The following HTR4 variants were observed in gnomAD, a reference collection of about 807,000 sequenced individuals.
HTR4 encodes the protein 5-hydroxytryptamine receptor 4.
HTR4 carries 16 observed loss-of-function variants against 36.8 expected under a neutral mutation model. The observed-to-expected ratio is 0.43, with a 90% CI of 0.29 to 0.66. The LOEUF (loss-of-function observed/expected upper bound fraction) is 0.66, where lower values mean the gene tolerates loss of function less well. Ranked by LOEUF, HTR4 falls within the 30% of genes least tolerant of loss-of-function variation. The probability of loss-of-function intolerance (pLI) is 0.13; values close to 1 mark genes in which losing one functional copy is unlikely to be tolerated. For synonymous variants in HTR4, 189 were observed against 185.1 expected, an observed-to-expected ratio of 1.02 and a Z score of -0.17; for missense variants, 438 against 490.9, an observed-to-expected ratio of 0.89 and a Z score of 1.02.
intron 2 of HTR4, among the ~76,000 whole-genome samples, chr5:148,625,886 CTT>C (rs564951602): frequency 9.1e-5 from 13 of 142,232 alleles, no homozygotes; most frequent in South Asian, 2.3e-4. Context: ...GCTGCAAAGC[CTT>C]TTTTTTTTTT....
intron 1 of HTR4, among the ~76,000 whole-genome samples, chr5:148,650,536 C>T (rs1561668553): frequency 6.6e-6 from 1 of 151,942 alleles, no homozygotes; most frequent in African/African-American, 2.4e-5. Context: ...ATGGAGGAAT[C>T]AAAGGGCAAA....
intron 2 of HTR4, among the ~76,000 whole-genome samples, chr5:148,634,804 T>C (rs1027778899): frequency 3.3e-5 from 5 of 152,218 alleles, no homozygotes; most frequent in South Asian, 2.1e-4. Context: ...TTTTCTTCTA[T>C]CTTCAGAGCA....
rs142101904 is a variant in HTR4 at position 148,603,670 on chromosome 5, A to G, written c.26+33319T>C. ...AGTGTTAGCATTAATAAACTAATTT[A>G]GAAAATATACTAGATACAAGGTTAA... On this transcript the variant is annotated intron_variant, in intron 2 of 6. Coordinates refer to ENST00000377888, the MANE Select transcript of HTR4 (RefSeq NM_000870.7). Among the ~76,000 whole-genome samples, 395 of 152,252 alleles carry G rather than the reference A, an allele frequency of 2.6e-3. 3 individuals are homozygous for G. The highest frequency in any genetic ancestry group is 7.9e-3 in the African/African-American group (328 of 41,582).
intron 2 of HTR4, among the ~76,000 whole-genome samples, chr5:148,621,795 T>A (rs1752927974): frequency 1.3e-5 from 2 of 152,172 alleles, no homozygotes; most frequent in Admixed American, 1.3e-4. Flanking sequence ...TCCTTTTCAT[T>A]TATCCTTTTC....
intron 5 of HTR4, among the ~76,000 whole-genome samples, chr5:148,514,137 A>G (rs1757624053): frequency 6.6e-6 from 1 of 152,046 alleles, no homozygotes; most frequent in Non-Finnish European, 1.5e-5. Context: ...CCTCCCATCT[A>G]ATTTTGAATA....
At chr5:148,545,250 A>T (rs1266176344) in intron 4 of HTR4, among the ~76,000 whole-genome samples, 1 of 152,234 alleles carries the variant, frequency 6.6e-6, no homozygotes, top group Non-Finnish European at 1.5e-5. Context: ...TACTTATGGT[A>T]TTGGAGTTTT....
intron 5 of HTR4, among the ~76,000 whole-genome samples, chr5:148,470,803 C>T (rs539660973): frequency 1.6e-4 from 25 of 152,288 alleles, no homozygotes; most frequent in Non-Finnish European, 3.1e-4. Context: ...ATTTTCCTGC[C>T]TCAGCCTCCC....
intron 4 of HTR4, among the ~76,000 whole-genome samples, chr5:148,523,549 A>G (rs1758125996): frequency 6.6e-6 from 1 of 152,108 alleles, no homozygotes; most frequent in African/African-American, 2.4e-5. Flanking sequence ...TAAAAAGAGG[A>G]GAGCAAGTGG....
At chr5:148,532,469 C>T (rs566297604) in intron 4 of HTR4, among the ~76,000 whole-genome samples, 10 of 152,222 alleles carry the variant, frequency 6.6e-5, no homozygotes, top group African/African-American at 2.2e-4. Flanking sequence ...ACAATAAATT[C>T]CATTAAAATA....
At chr5:148,617,478 G>GT (rs372475925) in intron 2 of HTR4, among the ~76,000 whole-genome samples, 11,756 of 89,946 alleles carry the variant, frequency 0.13, 856 homozygotes, top group African/African-American at 0.2. Context: ...GTTTTTTTTT[G>GT]TTTTTTTTGA....
intron 1 of HTR4, among the ~76,000 whole-genome samples, chr5:148,640,991 G>C (rs1287249453): frequency 2.0e-5 from 3 of 152,176 alleles, no homozygotes; most frequent in Non-Finnish European, 4.4e-5. Flanking sequence ...GAAAGGAACA[G>C]AGGAAGGAGG....
At chr5:148,472,811 G>T (rs766337322), downstream of HTR4, among the ~76,000 whole-genome samples, 1 of 152,204 alleles carries the variant, frequency 6.6e-6, no homozygotes, top group Non-Finnish European at 1.5e-5. Context: ...TCTGAATTGG[G>T]CACTGTGTTG....
At chr5:148,542,647 T>A (rs573454692) in intron 4 of HTR4, among the ~76,000 whole-genome samples, 28 of 152,112 alleles carry the variant, frequency 1.8e-4, no homozygotes, top group South Asian at 6.2e-4. Flanking sequence ...ACTTTTTTTT[T>A]AAAAAGGGAA....
At chr5:148,584,422 C>T (rs1761269412) in intron 2 of HTR4, among the ~76,000 whole-genome samples, 5 of 152,086 alleles carry the variant, frequency 3.3e-5, no homozygotes, top group Admixed American at 6.5e-5. Flanking sequence ...CAAAGCTCTG[C>T]TTAGTGACTA....
In HTR4 at chr5:148,509,720, C is replaced by G. The variant is rs200310099; in HGVS notation, c.812G>C (p.Cys271Ser). 1.9e-6 allele frequency: 3 copies of G among 1,613,982 alleles called. No homozygotes were observed. The African/African-American group carries it at 4.0e-5, about 22-fold the overall frequency. The change falls in exon 6 of 7, where the codon TGC becomes TCC. Residue 271 changes from cysteine (C) to serine (S), a missense_variant. Cys to Ser is a moderately radical substitution (Grantham distance 112, BLOSUM62 -1). Coordinates refer to ENST00000377888, the MANE Select transcript of HTR4 (RefSeq NM_000870.7). ...LCIIMGCFCL[C>S]WAPFFVTNIV... ...ATTGGTGACAAAGAATGGTGCCCAG[C>G]AGAGGCAGAAGCAACCCATGATGAT...
At chr5:148,623,321 G>A (rs1313943746) in intron 2 of HTR4, among the ~76,000 whole-genome samples, 2 of 152,144 alleles carry the variant, frequency 1.3e-5, no homozygotes, top group African/African-American at 4.8e-5. Flanking sequence ...AGGCAGCCCA[G>A]TGAGGAAAAC....
intron 4 of HTR4, among the ~76,000 whole-genome samples, chr5:148,526,124 C>A (rs1758264595): frequency 6.6e-6 from 1 of 152,140 alleles, no homozygotes; most frequent in Admixed American, 6.5e-5. Flanking sequence ...GACTTCTAGC[C>A]TTTAGAGCAG....
At chr5:148,612,271 C>G (rs1307942280) in intron 2 of HTR4, among the ~76,000 whole-genome samples, 6 of 151,216 alleles carry the variant, frequency 4.0e-5, no homozygotes, top group South Asian at 2.1e-4. Context: ...TGACCACATA[C>G]TTGGAAGTAA....
intron 4 of HTR4, among the ~76,000 whole-genome samples, chr5:148,546,000 G>C (rs1368391): frequency 0.25 from 38,648 of 152,066 alleles, 5,733 homozygotes; most frequent in Non-Finnish European, 0.34. Context: ...ATATTACTTT[G>C]GATGAATGAT....
Sources: gnomAD v4.1 joint callset for allele counts (sites outside exome capture counted in the v4.1 genomes callset) on GRCh38, gnomAD v4.1.1 for gene constraint, MANE v1.5 for transcripts, NCBI Gene and HGNC (gene_info 2026-07-23, HGNC 2026-07-21) for gene names.